Variants in TRIM6 observed in about 807,000 individuals in gnomAD.
TRIM6 encodes the protein tripartite motif containing 6.
Under a neutral mutation model 51.2 loss-of-function variants are expected in TRIM6, and 43 were observed. The ratio of observed to expected loss-of-function variants is 0.84; its 90% confidence interval spans 0.66 to 1.08. The LOEUF (loss-of-function observed/expected upper bound fraction) is 1.08. Ranked by LOEUF, TRIM6 falls within the 50% of genes least tolerant of loss-of-function variation. TRIM6 has a pLI of 0.00. For synonymous variants in TRIM6, 215 were observed against 232.4 expected (o/e 0.93, Z 0.68); for missense variants, 669 against 619.0 (o/e 1.08, Z -0.86).
At chr11:5,610,500 C>G in intron 6 of TRIM6, 35 bp from the exon 7 acceptor site, 1 of 1,614,006 alleles carries the variant, frequency 6.2e-7, no homozygotes, top group Non-Finnish European at 8.5e-7. Flanking sequence ...ACAGTTGGTC[C>G]TATTCAACAT....
In TRIM6 at chr11:5,603,395, T is replaced by A. The variant is rs904616670; in HGVS notation, c.167T>A (p.Ile56Lys). ...GAGCTCCTAACAGAACCCCTGAGCA[T>A]AGACTGTGGCCACAGCTTCTGCCAA... Reference protein sequence around the residue: ...CLELLTEPLSIDCGHSFCQAC... With the variant: ...CLELLTEPLSKDCGHSFCQAC... The change falls in exon 2 of 8, where the codon ATA becomes AAA. Residue 56 changes from isoleucine to lysine, a missense_variant. Physicochemically the swap from Ile to Lys is moderately radical, Grantham distance 102 (BLOSUM62 -3). Transcript: ENST00000380097. 1 of 1,613,988 alleles carries A rather than the reference T, an allele frequency of 6.2e-7. No homozygotes were observed. The highest frequency in any genetic ancestry group is 8.5e-7 in the Non-Finnish European group (1 of 1,179,992).
rs1283900291 is a variant in TRIM6, at chr11:5,610,254, A to G, written c.958+9A>G. On this transcript the variant is annotated intron_variant, in intron 6 of 7. Transcript: ENST00000380097. ...GCTGCGAGTGTGTAGAGGTAAGGAG[A>G]TTCAGGGGAAAGAGTTTGGATGTGA... The G allele has an allele frequency of 6.2e-7, 1 of 1,613,928 alleles. No individual in the cohort carries two copies. Among genetic ancestry groups the G allele is most frequent in the Non-Finnish European group, 8.5e-7 (1 of 1,180,000 alleles).
chr11:5,608,877 G>C (rs1248521581), intron 5 of TRIM6, among the ~76,000 whole-genome samples: 14 of 90,982 alleles, frequency 1.5e-4, no homozygotes, highest in Admixed American at 1.4e-3. Context: ...TTGAGACAGA[G>C]TTTCACTCTG....
chr11:5,606,654 A>T (rs1848227836), intron 4 of TRIM6, among the ~76,000 whole-genome samples: 1 of 152,038 alleles, frequency 6.6e-6, no homozygotes, highest in African/African-American at 2.4e-5. Context: ...CATCATTGAT[A>T]TTATTACCCT....
At chr11:5,607,047 C>A (rs1848256943) in intron 4 of TRIM6, among the ~76,000 whole-genome samples, 1 of 151,898 alleles carries the variant, frequency 6.6e-6, no homozygotes, top group South Asian at 2.1e-4. Context: ...ACTAAAAACA[C>A]AAAAAAATTA....
At position 5,600,937 on chromosome 11, in the gene TRIM6, T is replaced by G. The variant is rs549510007; in HGVS notation, c.18-2309T>G. 1.1e-4 allele frequency among the ~76,000 whole-genome samples: 17 copies of G among 152,296 alleles called. No individual in the cohort carries two copies. The South Asian group carries it at 3.1e-3, about 28-fold the overall frequency. On this transcript the variant is annotated intron_variant, in intron 1 of 7. Transcript: ENST00000380097. The stretch of plus-strand genomic sequence containing the variant: ...AAATAACTCAGTGCTGGAAACAGTT[T>G]TAAAAATTTTCTAAAGAGTATTCTC...
rs1022387496 is a variant in TRIM6 at position 5,612,405 on chromosome 11, A to G, written c.*1063A>G. The G allele has an allele frequency of 6.9e-6, 1 of 144,692 alleles. No homozygotes were observed. Among genetic ancestry groups the G allele is most frequent in the Non-Finnish European group, 1.6e-5 (1 of 64,420 alleles). The allele number at this position is 144,692 out of a possible 1,614,324, so 9.0% of individuals were successfully genotyped here. On this transcript the variant is annotated 3_prime_UTR_variant, in exon 8 of 8. Transcript: ENST00000380097. ...TTCCTCTCTACATTTAAGAGTAGCA[A>G]TAGAACAATAAAAAAAAATACGTCT...
chr11:5,611,743 G>A lies in TRIM6; in HGVS notation c.*401G>A, dbSNP rs1041073324. ...GCTGGGATTACAGATGTGAGCCGCC[G>A]CGCCCAGACAGTTCTTTCGTTTTAA... On this transcript the variant is annotated 3_prime_UTR_variant, in exon 8 of 8. Coordinates refer to ENST00000380097, the MANE Select transcript of TRIM6 (RefSeq NM_001003818.3). The A allele has an allele frequency of 7.7e-5, 15 of 194,394 alleles. No homozygotes were observed. Among genetic ancestry groups the A allele is most frequent in the African/African-American group, 1.4e-4 (6 of 42,550 alleles). 12.0% of individuals were successfully genotyped at this position (194,394 alleles called of 1,614,324 possible).
intron 4 of TRIM6, among the ~76,000 whole-genome samples, chr11:5,606,647 C>G (rs987444090): frequency 1.7e-4 from 26 of 152,220 alleles, no homozygotes; most frequent in Non-Finnish European, 3.4e-4. Flanking sequence ...TTGTCCTCAT[C>G]ATTGATATTA....
chr11:5,607,140 C>T (rs916824860), intron 4 of TRIM6, among the ~76,000 whole-genome samples: 1 of 151,920 alleles, frequency 6.6e-6, no homozygotes, highest in African/African-American at 2.4e-5. Context: ...GGAGGCGGAG[C>T]GTGCAGTGAG....
At chr11:5,609,837 C>T (rs574813106) in intron 5 of TRIM6, among the ~76,000 whole-genome samples, 19 of 152,236 alleles carry the variant, frequency 1.2e-4, no homozygotes, top group East Asian at 5.8e-4. Flanking sequence ...GCAGGAGAAT[C>T]GCTTGAACCT....
intron 5 of TRIM6, 39 bp from the exon 6 acceptor site, chr11:5,610,106 G>C (rs778678571): frequency 6.2e-7 from 1 of 1,604,748 alleles, no homozygotes; most frequent in East Asian, 2.2e-5. Context: ...GGAACCCACA[G>C]TCAGCAGTGT....
intron 4 of TRIM6, among the ~76,000 whole-genome samples, chr11:5,605,954 T>C (rs915837911): frequency 2.0e-5 from 3 of 152,362 alleles, no homozygotes; most frequent in Admixed American, 2.0e-4. Flanking sequence ...CTCTGGCCTC[T>C]GCTCACTAGA....
chr11:5,611,243 C>G lies in TRIM6; in HGVS notation c.1452C>G (p.Ile484Met). 1 of 1,614,064 alleles carries G rather than the reference C, an allele frequency of 6.2e-7. No homozygotes were observed. The highest frequency in any genetic ancestry group is 1.1e-5 in the South Asian group (1 of 91,070). The change falls in exon 8 of 8, where the codon ATC (isoleucine) becomes ATG (methionine). Residue 484 changes from isoleucine (I) to methionine (M), a missense_variant. Physicochemically the swap from Ile to Met is conservative, Grantham distance 10 (BLOSUM62 1). Transcript: ENST00000380097. ...ATGTCACAAACCATGGCTTCCCCAT[C>G]TACACTTTCTCTAAATATTACTTTC... ...FYNVTNHGFP[I>M]YTFSKYYFPT...
At chr11:5,599,316 T>G (rs1321628702) in intron 1 of TRIM6, among the ~76,000 whole-genome samples, 1 of 152,232 alleles carries the variant, frequency 6.6e-6, no homozygotes, top group Non-Finnish European at 1.5e-5. Context: ...AAAGTGTGCA[T>G]GTGTTTGTTG....
intron 1 of TRIM6, 87 bp from the exon 2 acceptor site, chr11:5,603,159 C>T (rs758262433): frequency 1.3e-6 from 2 of 1,522,854 alleles, no homozygotes; most frequent in Non-Finnish European, 1.8e-6. Flanking sequence ...GGTGTCTGAC[C>T]TCTTTATCCA....
At chr11:5,609,964 GA>G (rs1848474156) in intron 5 of TRIM6, among the ~76,000 whole-genome samples, 180 bp from the exon 6 acceptor site, 1 of 152,186 alleles carries the variant, frequency 6.6e-6, no homozygotes. Flanking sequence ...TGTAGATGGT[GA>G]GATGATAGTT....
intron 4 of TRIM6, among the ~76,000 whole-genome samples, chr11:5,607,506 C>A (rs147695773): frequency 1.3e-5 from 2 of 152,092 alleles, no homozygotes; most frequent in East Asian, 1.9e-4. Flanking sequence ...AGCTTTTCTT[C>A]GGGGTCATTG....
intron 1 of TRIM6, among the ~76,000 whole-genome samples, chr11:5,597,926 T>TATTA (rs3082333): frequency 0.5 from 75,035 of 151,582 alleles, 18,953 homozygotes; most frequent in Middle Eastern, 0.71. Flanking sequence ...AGAACTTTAA[T>TATTA]ATTAAAGTGC....
Sources: gnomAD v4.1 joint callset for allele counts (sites outside exome capture counted in the v4.1 genomes callset) on GRCh38, gnomAD v4.1.1 for gene constraint, MANE v1.5 for transcripts, NCBI Gene and HGNC (gene_info 2026-07-23, HGNC 2026-07-21) for gene names.